The following LRRTM4 variants were observed in gnomAD, a reference collection of about 807,000 sequenced individuals.
LRRTM4 encodes the protein leucine rich repeat transmembrane neuronal 4.
In LRRTM4, 25 loss-of-function variants were observed where a neutral mutation model predicts 47.6. That is an observed-to-expected ratio of 0.53 (90% CI 0.38 to 0.73). The LOEUF is 0.73. Ranked by LOEUF, LRRTM4 falls within the 30% of genes least tolerant of loss-of-function variation. The probability of loss-of-function intolerance (pLI) is 0.00; values close to 1 mark genes in which losing one functional copy is unlikely to be tolerated. For missense variants in LRRTM4, 638 were observed against 713.4 expected (o/e 0.89, Z 1.20); for synonymous variants, 311 against 269.5 (o/e 1.15, Z -1.51).
intron 3 of LRRTM4, among the ~76,000 whole-genome samples, chr2:77,088,343 A>T (rs1680797147): frequency 6.6e-6 from 1 of 152,084 alleles, no homozygotes; most frequent in Non-Finnish European, 1.5e-5. Flanking sequence ...GCCCCACCTT[A>T]ACTGATGACA....
chr2:77,104,688 T>A (rs1671051756), intron 3 of LRRTM4, among the ~76,000 whole-genome samples: 1 of 152,082 alleles, frequency 6.6e-6, no homozygotes, highest in South Asian at 2.1e-4. Flanking sequence ...AGTTAAGACG[T>A]CCCCACTGGA....
intron 3 of LRRTM4, among the ~76,000 whole-genome samples, chr2:77,185,443 A>G (rs867856400): frequency 1.3e-5 from 2 of 152,068 alleles, no homozygotes; most frequent in African/African-American, 2.4e-5. Context: ...AAATGGCTAC[A>G]AGGGCGTTTA....
chr2:76,888,348 T>C (rs1448313389), intron 3 of LRRTM4, among the ~76,000 whole-genome samples: 1 of 151,364 alleles, frequency 6.6e-6, no homozygotes, highest in African/African-American at 2.4e-5. Flanking sequence ...CATGGAACAA[T>C]TGTACGTATA....
chr2:76,874,727 G>C (rs1672731084), intron 3 of LRRTM4, among the ~76,000 whole-genome samples: 1 of 151,742 alleles, frequency 6.6e-6, no homozygotes, highest in African/African-American at 2.4e-5. Flanking sequence ...GACTTCTTCA[G>C]AATAAATTCC....
At chr2:76,987,750 C>T (rs1018036211) in intron 3 of LRRTM4, among the ~76,000 whole-genome samples, 3 of 151,774 alleles carry the variant, frequency 2.0e-5, no homozygotes, top group Non-Finnish European at 4.4e-5. Flanking sequence ...CTCCATTATC[C>T]TGTAGATGCA....
chr2:77,167,406 G>A (rs144280520), intron 3 of LRRTM4, among the ~76,000 whole-genome samples: 7,190 of 152,220 alleles, frequency 0.047, 224 homozygotes, highest in Non-Finnish European at 0.072. Flanking sequence ...ATTCGTCAAG[G>A]ATCTAGAACT....
intron 3 of LRRTM4, among the ~76,000 whole-genome samples, chr2:77,090,054 A>T (rs1479654207): frequency 5.3e-5 from 8 of 151,954 alleles, no homozygotes; most frequent in Non-Finnish European, 1.0e-4. Flanking sequence ...CTTGCTCCCC[A>T]GGCTGCTCCT....
At chr2:77,467,620 TAACATAAAAATAGGCCCAAGC>T (rs1405864954) in intron 3 of LRRTM4, among the ~76,000 whole-genome samples, 13 of 152,316 alleles carry the variant, frequency 8.5e-5, no homozygotes, top group Admixed American at 5.2e-4. Flanking sequence ...TAATTCATGT[TAACATAAAAATAGGCCCAAGC>T]ACAGCAGTTT....
chr2:77,239,609 A>G lies in LRRTM4; in HGVS notation c.1551+278709T>C, dbSNP rs549449398. ...AATAAGAAAAGTATACCTCACAAGT[A>G]TTCTTCTAAAAGAAAACTTGAGTAG... On this transcript the variant is annotated intron_variant, in intron 3 of 3. Transcript: ENST00000409884. Among the ~76,000 whole-genome samples the G allele has an allele frequency of 1.2e-4, 19 of 152,062 alleles. No homozygotes were observed. The South Asian group carries it at 3.3e-3, about 27-fold the overall frequency.
At chr2:77,171,328 G>C (rs1400022680) in intron 3 of LRRTM4, among the ~76,000 whole-genome samples, 1 of 152,104 alleles carries the variant, frequency 6.6e-6, no homozygotes, top group Non-Finnish European at 1.5e-5. Context: ...CCAGGCAGGA[G>C]TGAAGTGGTG....
At chr2:77,029,031 T>TCACACA (rs201640727) in intron 3 of LRRTM4, among the ~76,000 whole-genome samples, 2 of 98,464 alleles carry the variant, frequency 2.0e-5, no homozygotes, top group Non-Finnish European at 2.2e-5. Context: ...CGAGAGTCCA[T>TCACACA]CACACACACA....
chr2:76,908,334 GCC>G (rs1323062797), intron 3 of LRRTM4, among the ~76,000 whole-genome samples: 1,893 of 151,904 alleles, frequency 0.012, 51 homozygotes, highest in South Asian at 0.067. Flanking sequence ...GTATTGATGG[GCC>G]ATATCTCAAA....
intron 3 of LRRTM4, among the ~76,000 whole-genome samples, chr2:76,889,552 G>C (rs552865364): frequency 1.1e-3 from 161 of 151,990 alleles, no homozygotes; most frequent in African/African-American, 3.7e-3. Flanking sequence ...TGATGATAGA[G>C]TGGAAACCTG....
chr2:76,935,579 T>G (rs770446534), intron 3 of LRRTM4, among the ~76,000 whole-genome samples: 2 of 152,202 alleles, frequency 1.3e-5, no homozygotes, highest in Non-Finnish European at 2.9e-5. Context: ...CCCTTGTAAG[T>G]TGTATTCCTA....
At chr2:76,918,428 C>G (rs529885815) in intron 3 of LRRTM4, among the ~76,000 whole-genome samples, 1 of 152,072 alleles carries the variant, frequency 6.6e-6, no homozygotes, top group Admixed American at 6.6e-5. Context: ...GGATTAAATT[C>G]TTTGACAAAA....
chr2:76,772,765 T>C (rs915256036), intron 3 of LRRTM4: 1 of 152,224 alleles, frequency 6.6e-6, no homozygotes, highest in Non-Finnish European at 1.5e-5. Flanking sequence ...TGCAGTTGTA[T>C]AACTTTTATT....
At chr2:77,150,640 G>A (rs575780373) in intron 3 of LRRTM4, among the ~76,000 whole-genome samples, 19 of 152,116 alleles carry the variant, frequency 1.2e-4, no homozygotes, top group African/African-American at 2.4e-4. Context: ...AATATTCTCC[G>A]TAAATAATTG....
chr2:77,215,740 G>A (rs749264701), intron 3 of LRRTM4, among the ~76,000 whole-genome samples: 1 of 152,118 alleles, frequency 6.6e-6, no homozygotes, highest in African/African-American at 2.4e-5. Context: ...TTCTTTTAAA[G>A]TTTAATTGAA....
chr2:76,934,046 G>C (rs1466090909), intron 3 of LRRTM4, among the ~76,000 whole-genome samples: 1 of 152,100 alleles, frequency 6.6e-6, no homozygotes, highest in Non-Finnish European at 1.5e-5. Context: ...TGATTTATCA[G>C]TGTTCACTTT....
Sources: gnomAD v4.1 joint callset for allele counts (sites outside exome capture counted in the v4.1 genomes callset) on GRCh38, gnomAD v4.1.1 for gene constraint, MANE v1.5 for transcripts, NCBI Gene and HGNC (gene_info 2026-07-23, HGNC 2026-07-21) for gene names.